MCOLN2: variants seen among roughly 807,000 people sequenced by gnomAD.
The protein encoded by MCOLN2 is mucolipin-2.
Under a neutral mutation model 67.5 loss-of-function variants are expected in MCOLN2, and 57 were observed. The observed-to-expected ratio is 0.84, with a 90% confidence interval of 0.68 to 1.05. MCOLN2 has a LOEUF of 1.05. Ranked by LOEUF, MCOLN2 falls within the 50% of genes least tolerant of loss-of-function variation. MCOLN2 has a pLI of 0.00. For missense variants in MCOLN2, 620 were observed against 678.8 expected (o/e 0.91, Z 0.96); for synonymous variants, 246 against 233.3 (o/e 1.05, Z -0.50).
At chr1:84,949,890 G>A (rs1316767274) in intron 6 of MCOLN2, among the ~76,000 whole-genome samples, 4 of 152,174 alleles carry the variant, frequency 2.6e-5, no homozygotes, top group African/African-American at 9.6e-5. Flanking sequence ...AGCAAAAGCT[G>A]AGGGAATTTT....
At chr1:84,979,276 T>C (rs1479753478) in intron 1 of MCOLN2, among the ~76,000 whole-genome samples, 1 of 152,118 alleles carries the variant, frequency 6.6e-6, no homozygotes, top group East Asian at 1.9e-4. Context: ...CCAATCCTAC[T>C]CAAACTTTTC....
chr1:84,996,949 C>T lies in MCOLN2; in HGVS notation c.-77G>A. On this transcript the variant is annotated 5_prime_UTR_variant, in exon 1 of 14. Transcript: ENST00000370608. ...CCGTTCACGGCCGACTCATTTCGCC[C>T]TCGCCGTAACGCGTCCGCCGAAGTT... is the stretch of plus-strand genomic sequence containing the variant. 1.5e-6 allele frequency: 2 copies of T among 1,320,518 alleles called. No homozygotes were observed. Among genetic ancestry groups the T allele is most frequent in the East Asian group, 2.3e-5 (1 of 42,648 alleles). 81.8% of individuals were successfully genotyped at this position (1,320,518 alleles called of 1,614,324 possible).
At chr1:84,996,752 T>A in intron 1 of MCOLN2, 44 bp downstream of exon 1, 2 of 1,561,144 alleles carry the variant, frequency 1.3e-6, no homozygotes, top group African/African-American at 1.4e-5. Flanking sequence ...TTAGGAAGAT[T>A]TCTCCAGTCC....
intron 1 of MCOLN2, among the ~76,000 whole-genome samples, chr1:84,968,157 A>G (rs1649475794): frequency 6.6e-6 from 1 of 152,210 alleles, no homozygotes; most frequent in Non-Finnish European, 1.5e-5. Flanking sequence ...ATAGGACTAC[A>G]GAGAAGGCCA....
chr1:84,950,641 A>T (rs903909830), intron 6 of MCOLN2, among the ~76,000 whole-genome samples: 8 of 152,208 alleles, frequency 5.3e-5, no homozygotes, highest in African/African-American at 1.9e-4. Flanking sequence ...TATGCCAAGT[A>T]CTTATTAGGG....
In MCOLN2 at chr1:84,929,630, T is replaced by C; in HGVS notation, c.1592A>G (p.Lys531Arg). ...FPETDLQEFL[K>R]ECSSKEEYQK... The stretch of plus-strand genomic sequence containing the variant: ...ATACTCTTCTTTGCTACTGCATTCC[T>C]TCAGGAATTCCTGCAAATCCGTTTC... The change falls in exon 13 of 14, where the codon AAG becomes AGG. Residue 531 changes from lysine to arginine, a missense_variant. Coordinates refer to ENST00000370608, the MANE Select transcript of MCOLN2 (RefSeq NM_153259.4). The C allele has an allele frequency of 6.2e-7, 1 of 1,613,868 alleles. No individual in the cohort carries two copies. Among genetic ancestry groups the C allele is most frequent in the Non-Finnish European group, 8.5e-7 (1 of 1,179,832 alleles).
At chr1:84,975,833 C>T (rs572596637) in intron 1 of MCOLN2, among the ~76,000 whole-genome samples, 5 of 151,900 alleles carry the variant, frequency 3.3e-5, no homozygotes, top group Non-Finnish European at 5.9e-5. Context: ...CAGAGATTGA[C>T]ATAATTAAAA....
chr1:84,930,135 C>T (rs1221456698), intron 12 of MCOLN2, among the ~76,000 whole-genome samples: 3 of 151,950 alleles, frequency 2.0e-5, no homozygotes, highest in Non-Finnish European at 4.4e-5. Context: ...TGGTGGTGTG[C>T]ACCTGTAGTC....
Position 84,928,180 on chromosome 1 carries a change from C to A in MCOLN2, c.1664+1378G>T, listed in dbSNP as rs114999175. Among the ~76,000 whole-genome samples the A allele has an allele frequency of 9.6e-3, 1,460 of 152,244 alleles. 20 individuals carry two copies. The highest frequency in any genetic ancestry group is 0.016 in the Non-Finnish European group (1,057 of 68,026). On this transcript the variant is annotated intron_variant, in intron 13 of 13. Coordinates refer to ENST00000370608, the MANE Select transcript of MCOLN2 (RefSeq NM_153259.4). ...CTACCTGTCTTTGTTTTTTGATATC[C>A]TCTTTTTCAAAACTTTCATCATCCT...
intron 13 of MCOLN2, 122 bp downstream of exon 13, chr1:84,929,435 GA>G: frequency 8.7e-7 from 1 of 1,149,618 alleles, no homozygotes. Flanking sequence ...GGAAAGAAAA[GA>G]AAGGTGAATT....
rs1661125488 is a variant in MCOLN2, at chr1:84,925,715, T to C, written c.*970A>G. On this transcript the variant is annotated 3_prime_UTR_variant, in exon 14 of 14. Coordinates refer to ENST00000370608, the MANE Select transcript of MCOLN2 (RefSeq NM_153259.4). ...TGCTACAGGTCACTTCCACATGTCA[T>C]GTGTGTACAACTGACCATTAGCACA... is the stretch of plus-strand genomic sequence containing the variant. 2 of 152,234 alleles carry C rather than the reference T, an allele frequency of 1.3e-5. No homozygotes were observed. Among genetic ancestry groups the C allele is most frequent in the Admixed American group, 6.5e-5 (1 of 15,280 alleles). The allele number at this position is 152,234 out of a possible 1,614,324, so 9.4% of individuals were successfully genotyped here.
intron 2 of MCOLN2, among the ~76,000 whole-genome samples, chr1:84,963,681 C>T (rs143907712): frequency 6.6e-6 from 1 of 152,216 alleles, no homozygotes; most frequent in African/African-American, 2.4e-5. Context: ...ATCACCTTCC[C>T]CTTTGCTCTC....
rs560620337 is a variant in MCOLN2 at position 84,984,528 on chromosome 1, T to C, written c.77+12268A>G. Among the ~76,000 whole-genome samples the C allele has an allele frequency of 2.5e-4, 38 of 152,358 alleles. No individual in the cohort carries two copies. In the South Asian group the frequency reaches 7.9e-3, roughly 32 times the overall value. ...CTCTTGGATCCCATGTCTGCTTCTT[T>C]CTTTACTCTCTCATTTTGTGGAGAA... On this transcript the variant is annotated intron_variant, in intron 1 of 13. Coordinates refer to ENST00000370608, the MANE Select transcript of MCOLN2 (RefSeq NM_153259.4).
At chr1:84,950,259 T>C (rs908096017) in intron 6 of MCOLN2, among the ~76,000 whole-genome samples, 5 of 152,212 alleles carry the variant, frequency 3.3e-5, no homozygotes, top group South Asian at 2.1e-4. Flanking sequence ...AGGGCTAATA[T>C]GTGAAGTTTT....
chr1:84,980,540 A>G, intron 1 of MCOLN2, among the ~76,000 whole-genome samples: 1 of 152,212 alleles, frequency 6.6e-6, no homozygotes, highest in East Asian at 1.9e-4. Flanking sequence ...CAGTGAACTC[A>G]TTTTTGACAA....
chr1:84,987,496 ATACATAGATGTATACATATG>A (rs1650614799), intron 1 of MCOLN2, among the ~76,000 whole-genome samples: 3 of 1,234 alleles, frequency 2.4e-3, no homozygotes, highest in African/African-American at 5.4e-3. Context: ...ATACATATGT[ATACATAGATGTATACATATG>A]TATATATGTA....
At chr1:84,931,599 AAT>A (rs1391159236) in intron 11 of MCOLN2, 31 bp from the exon 12 acceptor site, 18 of 1,568,852 alleles carry the variant, frequency 1.1e-5, no homozygotes, top group Non-Finnish European at 1.5e-5. Context: ...TAGTTTCTGA[AAT>A]AGAGTATTCT....
rs1649349873 is a variant in MCOLN2 at position 84,965,777 on chromosome 1, T to C, written c.78-69A>G. ...CTCAGTTCCTTTTGAAGTAACTTGC[T>C]TTCCCTAAACTTGAGTTGGTACATA... is the stretch of plus-strand genomic sequence containing the variant. On this transcript the variant is annotated intron_variant, in intron 1 of 13. Coordinates refer to ENST00000370608, the MANE Select transcript of MCOLN2 (RefSeq NM_153259.4). 6.7e-6 allele frequency: 10 copies of C among 1,499,932 alleles called. No individual in the cohort carries two copies. In the Admixed American group the frequency reaches 1.9e-4, roughly 29 times the overall value. 92.9% of individuals were successfully genotyped at this position (1,499,932 alleles called of 1,614,324 possible). A position where few individuals can be genotyped will look rare whatever the true frequency, so the allele number is the denominator to read the frequency against.
intron 12 of MCOLN2, 81 bp downstream of exon 12, chr1:84,931,281 G>A (rs1661387718): frequency 3.3e-6 from 3 of 910,562 alleles, no homozygotes; most frequent in Admixed American, 2.2e-5. Flanking sequence ...AATATTTTAA[G>A]TTTTTAAAAT....
Sources: gnomAD v4.1 joint callset for allele counts (sites outside exome capture counted in the v4.1 genomes callset) on GRCh38, gnomAD v4.1.1 for gene constraint, MANE v1.5 for transcripts, NCBI Gene and HGNC (gene_info 2026-07-23, HGNC 2026-07-21) for gene names.